PNPT1: variants seen among roughly 807,000 people sequenced by gnomAD.
PNPT1 encodes the protein polyribonucleotide nucleotidyltransferase 1.
Under a neutral mutation model 119.5 loss-of-function variants are expected in PNPT1, and 53 were observed. The ratio of observed to expected loss-of-function variants is 0.44; its 90% CI spans 0.36 to 0.56. The LOEUF (loss-of-function observed/expected upper bound fraction) is 0.56. PNPT1 is among the 20% of genes least tolerant of loss of function. PNPT1 has a pLI of 0.00. For synonymous variants in PNPT1, 357 were observed against 322.1 expected, an observed-to-expected ratio of 1.11 and a Z score of -1.16; for missense variants, 948 against 938.5, an observed-to-expected ratio of 1.01 and a Z score of -0.13.
intron 11 of PNPT1, among the ~76,000 whole-genome samples, chr2:55,670,970 TA>T (rs61121266): frequency 0.033 from 4,923 of 150,984 alleles, 106 homozygotes; most frequent in Middle Eastern, 0.13. Context: ...CAACTAAAGT[TA>T]AAAAAAAAAA....
chr2:55,647,492 C>T (rs925864152), intron 18 of PNPT1, 39 bp from the exon 19 acceptor site: 5 of 1,430,340 alleles, frequency 3.5e-6, no homozygotes, highest in Middle Eastern at 3.7e-4. Context: ...GTAATGTGTA[C>T]ATGAGCCTAA....
chr2:55,680,888 C>T lies in PNPT1; in HGVS notation c.484G>A (p.Val162Ile), dbSNP rs1697226783. 3 of 1,613,896 alleles carry T rather than the reference C, an allele frequency of 1.9e-6. No homozygotes were observed. Among genetic ancestry groups the T allele is most frequent in the South Asian group, 2.2e-5 (2 of 91,078 alleles). The change falls in exon 6 of 28, where the codon GTA (valine) becomes ATA (isoleucine). Residue 162 changes from valine (V) to isoleucine (I), a missense_variant. Val to Ile is a conservative substitution (Grantham distance 29, BLOSUM62 3). Coordinates refer to ENST00000447944, the MANE Select transcript of PNPT1 (RefSeq NM_033109.5). ...VLCNLLAVDGVNEPDVLAING... is the reference protein window; with the variant it reads ...VLCNLLAVDGINEPDVLAING... Reference sequence around the variant, plus strand: ...ATTGCTAGGACATCAGGCTCATTTACACCATCTACTGCTAACAGATTACAC... The same window carrying T: ...ATTGCTAGGACATCAGGCTCATTTATACCATCTACTGCTAACAGATTACAC...
intron 25 of PNPT1, among the ~76,000 whole-genome samples, chr2:55,641,240 G>T (rs1429077856): frequency 6.7e-6 from 1 of 149,864 alleles, no homozygotes; most frequent in Non-Finnish European, 1.5e-5. Flanking sequence ...AAAACTTTTA[G>T]AATATATGTT....
At chr2:55,688,721 T>C (rs1697498156) in intron 1 of PNPT1, among the ~76,000 whole-genome samples, 1 of 151,396 alleles carries the variant, frequency 6.6e-6, no homozygotes, top group African/African-American at 2.4e-5. Flanking sequence ...TGAGACTCTG[T>C]AACAAAAACA....
chr2:55,654,256 C>CAAAA (rs1376567034), intron 18 of PNPT1, among the ~76,000 whole-genome samples: 1 of 108,808 alleles, frequency 9.2e-6, no homozygotes, highest in Middle Eastern at 4.9e-3. Flanking sequence ...GACTCTGTCT[C>CAAAA]AAAAAAAAAA....
intron 19 of PNPT1, 89 bp downstream of exon 19, chr2:55,647,258 C>CTG: frequency 9.3e-7 from 1 of 1,075,620 alleles, no homozygotes; most frequent in Non-Finnish European, 1.3e-6. Context: ...TACATATAGT[C>CTG]TTCACCATTA....
At chr2:55,670,018 C>T (rs1223051414) in intron 11 of PNPT1, among the ~76,000 whole-genome samples, 1 of 151,978 alleles carries the variant, frequency 6.6e-6, no homozygotes, top group African/African-American at 2.4e-5. Flanking sequence ...TTTGGCTTCC[C>T]AAAGTGCTGG....
intron 8 of PNPT1, among the ~76,000 whole-genome samples, chr2:55,674,717 A>G (rs1697011770): frequency 6.6e-6 from 1 of 152,232 alleles, no homozygotes; most frequent in Non-Finnish European, 1.5e-5. Flanking sequence ...ACACTGCCTG[A>G]TATGGTTCTA....
intron 16 of PNPT1, 40 bp downstream of exon 16, chr2:55,656,265 C>T: frequency 6.2e-7 from 1 of 1,611,462 alleles, no homozygotes; most frequent in Non-Finnish European, 8.5e-7. Context: ...TATTAAGTCT[C>T]TGTAAGAATA....
At chr2:55,679,888 G>T in intron 7 of PNPT1, 93 bp from the exon 8 acceptor site, 1 of 814,428 alleles carries the variant, frequency 1.2e-6, no homozygotes, top group Non-Finnish European at 1.9e-6. Flanking sequence ...ATCTTTGATT[G>T]TGACCACAGA....
At chr2:55,653,906 C>G (rs1277966542) in intron 18 of PNPT1, among the ~76,000 whole-genome samples, 1 of 151,944 alleles carries the variant, frequency 6.6e-6, no homozygotes, top group Non-Finnish European at 1.5e-5. Context: ...CTTTAGGTTC[C>G]TTCTCTCTTT....
Position 55,656,200 on chromosome 2 carries a change from A to C in PNPT1, c.1372T>G (p.Leu458Val). 6.2e-7 allele frequency: 1 copy of C among 1,613,498 alleles called. No individual in the cohort carries two copies. Among genetic ancestry groups the C allele is most frequent in the Non-Finnish European group, 8.5e-7 (1 of 1,179,670 alleles). Reference protein sequence around the residue: ...LGHGALAEKALYPVIPRDFPF... With the variant: ...LGHGALAEKAVYPVIPRDFPF... ...AAATCTCGGGGAATAACAGGATACA[A>C]AGCTTTCTCAGCAAGAGCACCTAAA... The change falls in exon 17 of 28, where the codon TTG (leucine) becomes GTG (valine). Residue 458 changes from leucine to valine, a missense_variant. By Grantham distance (32) the Leu-to-Val change is conservative. Transcript: ENST00000447944.
chr2:55,658,645 A>T (rs1337986341), intron 15 of PNPT1, among the ~76,000 whole-genome samples: 1 of 152,126 alleles, frequency 6.6e-6, no homozygotes, highest in Non-Finnish European at 1.5e-5. Context: ...CATTTTGCAC[A>T]GCTGCCCTTT....
chr2:55,663,935 G>T (rs1696657014), intron 13 of PNPT1, among the ~76,000 whole-genome samples: 1 of 151,380 alleles, frequency 6.6e-6, no homozygotes, highest in African/African-American at 2.4e-5. Flanking sequence ...CTTGCCGTGA[G>T]CCGAGATCAC....
At chr2:55,648,167 C>T (rs13035598) in intron 18 of PNPT1, among the ~76,000 whole-genome samples, 109 of 152,304 alleles carry the variant, frequency 7.2e-4, no homozygotes, top group Admixed American at 1.2e-3. Context: ...AATTTCTGTG[C>T]ACAAGTATAA....
Position 55,643,217 on chromosome 2 carries a change from T to C in PNPT1, c.2014-4A>G. 1.2e-6 allele frequency: 2 copies of C among 1,614,226 alleles called. No individual in the cohort carries two copies. Among genetic ancestry groups the C allele is most frequent in the Non-Finnish European group, 1.7e-6 (2 of 1,180,050 alleles). ...CAAATTCTAATTGCTGCTCCTGCTGTAAGTGCAAAATAAGCCATAAGATTC... is the reference window on the plus strand; with the variant it reads ...CAAATTCTAATTGCTGCTCCTGCTGCAAGTGCAAAATAAGCCATAAGATTC... On this transcript the variant is annotated splice_region_variant and splice_polypyrimidine_tract_variant and intron_variant, in intron 24 of 27. Coordinates refer to ENST00000447944, the MANE Select transcript of PNPT1 (RefSeq NM_033109.5).
intron 13 of PNPT1, among the ~76,000 whole-genome samples, chr2:55,665,126 A>C (rs2586954): frequency 0.45 from 68,302 of 151,934 alleles, 16,320 homozygotes; most frequent in Non-Finnish European, 0.53. Context: ...CGTAACAATG[A>C]AAAAGGATAT....
chr2:55,683,686 C>A, intron 5 of PNPT1, 99 bp downstream of exon 5: 10 of 1,029,854 alleles, frequency 9.7e-6, no homozygotes, highest in Admixed American at 5.6e-5. Flanking sequence ...ATAAAAAATT[C>A]TTATGTTCTT....
intron 5 of PNPT1, among the ~76,000 whole-genome samples, chr2:55,683,550 T>A (rs1447546067): frequency 6.6e-6 from 1 of 150,806 alleles, no homozygotes; most frequent in African/African-American, 2.4e-5. Context: ...GAGATTGAGG[T>A]TGCAGTGAGC....
Sources: gnomAD v4.1 joint callset for allele counts (sites outside exome capture counted in the v4.1 genomes callset) on GRCh38, gnomAD v4.1.1 for gene constraint, MANE v1.5 for transcripts, NCBI Gene and HGNC (gene_info 2026-07-23, HGNC 2026-07-21) for gene names.